PPFIA2: variants seen among roughly 807,000 people sequenced by gnomAD.
The protein encoded by PPFIA2 is liprin-alpha-2.
A neutral mutation model predicts 175.5 loss-of-function variants in PPFIA2; 46 were observed. The ratio of observed to expected loss-of-function variants is 0.26; its 90% CI spans 0.21 to 0.34. PPFIA2 has a LOEUF of 0.34. Ranked by LOEUF, PPFIA2 falls within the 10% of genes least tolerant of loss-of-function variation. PPFIA2 has a pLI of 1.00. For synonymous variants in PPFIA2, 568 were observed against 511.4 expected (o/e 1.11, Z -1.49); for missense variants, 1,179 against 1,506.1 (o/e 0.78, Z 3.60).
chr12:81,388,026 C>G (rs2039354369), intron 8 of PPFIA2, among the ~76,000 whole-genome samples: 1 of 152,070 alleles, frequency 6.6e-6, no homozygotes, highest in Non-Finnish European at 1.5e-5. Context: ...ATATTCGTAG[C>G]AGCACTTACC....
At chr12:81,650,130 C>T (rs955504502) in intron 4 of PPFIA2, among the ~76,000 whole-genome samples, 2 of 151,970 alleles carry the variant, frequency 1.3e-5, no homozygotes, top group Non-Finnish European at 2.9e-5. Context: ...CTGCCTCAGC[C>T]TCCCCAGTAG....
chr12:81,373,344 A>G (rs17008451), intron 11 of PPFIA2, among the ~76,000 whole-genome samples: 10,905 of 151,990 alleles, frequency 0.072, 553 homozygotes, highest in African/African-American at 0.14. Flanking sequence ...CTAATTATGC[A>G]TATCTTAGTC....
intron 3 of PPFIA2, among the ~76,000 whole-genome samples, chr12:81,681,316 T>C (rs187029864): frequency 6.6e-6 from 1 of 152,164 alleles, no homozygotes; most frequent in African/African-American, 2.4e-5. Flanking sequence ...TAAGTGGGGT[T>C]ATTAGCCAGT....
At chr12:81,603,231 A>T (rs572919924) in intron 4 of PPFIA2, among the ~76,000 whole-genome samples, 1 of 151,790 alleles carries the variant, frequency 6.6e-6, no homozygotes, top group Non-Finnish European at 1.5e-5. Flanking sequence ...GTAACATTTA[A>T]ATAAAATTAA....
chr12:81,414,121 GAA>G (rs1381164976), intron 7 of PPFIA2, among the ~76,000 whole-genome samples: 1 of 151,700 alleles, frequency 6.6e-6, no homozygotes, highest in African/African-American at 2.4e-5. Context: ...AAGTCATACA[GAA>G]AAAGACACAA....
At chr12:81,359,192 C>T (rs1004463890) in intron 15 of PPFIA2, among the ~76,000 whole-genome samples, 1 of 151,968 alleles carries the variant, frequency 6.6e-6, no homozygotes, top group Admixed American at 6.6e-5. Context: ...ATTGACTATA[C>T]TCTCTTTTTC....
At chr12:81,446,928 C>A (rs1294682918) in intron 5 of PPFIA2, among the ~76,000 whole-genome samples, 1 of 151,944 alleles carries the variant, frequency 6.6e-6, no homozygotes, top group Non-Finnish European at 1.5e-5. Context: ...GAAAACTTTG[C>A]CATTATTGGG....
chr12:81,458,158 G>C (rs1201497984), intron 4 of PPFIA2, among the ~76,000 whole-genome samples: 1 of 152,024 alleles, frequency 6.6e-6, no homozygotes, highest in Non-Finnish European at 1.5e-5. Context: ...CTTATTCCTA[G>C]AGTAAATTTA....
intron 7 of PPFIA2, among the ~76,000 whole-genome samples, chr12:81,436,464 T>C (rs545373571): frequency 6.6e-6 from 1 of 152,134 alleles, no homozygotes; most frequent in Admixed American, 6.5e-5. Flanking sequence ...TTGCTCTTTT[T>C]TTAAAAACTA....
chr12:81,329,059 C>T (rs1365424560), intron 21 of PPFIA2, among the ~76,000 whole-genome samples: 2 of 151,998 alleles, frequency 1.3e-5, no homozygotes, highest in African/African-American at 4.8e-5. Context: ...TGACTTTGGC[C>T]TCCCAAAGCA....
At chr12:81,630,899 A>ATATATATATATATATATATTTTT (rs1411924550) in intron 4 of PPFIA2, among the ~76,000 whole-genome samples, 3 of 106,448 alleles carry the variant, frequency 2.8e-5, no homozygotes, top group African/African-American at 8.7e-5. Context: ...ATATATATAT[A>ATATATATATATATATATATTTTT]TTTTTTTTTT....
chr12:81,707,937 T>G (rs949680199), intron 3 of PPFIA2, among the ~76,000 whole-genome samples: 1 of 147,484 alleles, frequency 6.8e-6, no homozygotes, highest in Non-Finnish European at 1.5e-5. Flanking sequence ...AAACCAAACA[T>G]CACATATTCT....
chr12:81,491,975 T>TA (rs2059466440), intron 4 of PPFIA2, among the ~76,000 whole-genome samples: 1 of 152,030 alleles, frequency 6.6e-6, no homozygotes, highest in South Asian at 2.1e-4. Context: ...AAATCCTATA[T>TA]ACTTAATTTA....
intron 4 of PPFIA2, among the ~76,000 whole-genome samples, chr12:81,649,651 T>C (rs987192450): frequency 6.6e-6 from 1 of 152,100 alleles, no homozygotes; most frequent in Non-Finnish European, 1.5e-5. Flanking sequence ...TTAATATCTA[T>C]CAAATGGCAA....
intron 3 of PPFIA2, among the ~76,000 whole-genome samples, chr12:81,687,717 A>T (rs2074630034): frequency 6.6e-6 from 1 of 152,054 alleles, no homozygotes; most frequent in Non-Finnish European, 1.5e-5. Context: ...AAAATAAATC[A>T]ATCTATGTCC....
intron 23 of PPFIA2, chr12:81,296,647 G>C (rs1432739891): frequency 5.3e-5 from 8 of 152,124 alleles, no homozygotes. Flanking sequence ...GAACAAAGGA[G>C]AGAATTGTGA....
At chr12:81,514,080 A>G (rs2062112523) in intron 4 of PPFIA2, among the ~76,000 whole-genome samples, 1 of 151,958 alleles carries the variant, frequency 6.6e-6, no homozygotes, top group Non-Finnish European at 1.5e-5. Context: ...GTTACAACAG[A>G]CAAAAAATCT....
chr12:81,584,169 G>A (rs558406347), intron 4 of PPFIA2, among the ~76,000 whole-genome samples: 10 of 151,976 alleles, frequency 6.6e-5, no homozygotes, highest in African/African-American at 2.4e-4. Context: ...TGAAAGAACA[G>A]TGTATGCAAA....
chr12:81,531,157 T>C (rs2064489449), intron 4 of PPFIA2, among the ~76,000 whole-genome samples: 1 of 151,952 alleles, frequency 6.6e-6, no homozygotes, highest in Non-Finnish European at 1.5e-5. Flanking sequence ...AGTTTACTTA[T>C]TCCCAGCGAA....
Sources: allele counts gnomAD v4.1 joint callset (sites outside exome capture counted in the v4.1 genomes callset), GRCh38; gene constraint gnomAD v4.1.1; transcripts MANE v1.5; gene names NCBI Gene and HGNC (gene_info 2026-07-23, HGNC 2026-07-21).